TADA1: variants seen among roughly 807,000 people sequenced by gnomAD.
The protein encoded by TADA1 is transcriptional adapter 1.
In TADA1, 23 loss-of-function variants were observed where a neutral mutation model predicts 39.3. The observed-to-expected ratio is 0.58, with a 90% CI of 0.42 to 0.83. The LOEUF is 0.83. Among genes scored for constraint, TADA1 ranks in the 40% least tolerant of loss-of-function variants. The pLI, the probability that TADA1 is intolerant of heterozygous loss-of-function variation, is 0.00. For missense variants in TADA1, 352 were observed against 408.1 expected (o/e 0.86, Z 1.18); for synonymous variants, 137 against 151.8 (o/e 0.90, Z 0.72).
At chr1:166,866,586 G>A (rs1658540528) in intron 3 of TADA1, among the ~76,000 whole-genome samples, 1 of 152,054 alleles carries the variant, frequency 6.6e-6, no homozygotes, top group Non-Finnish European at 1.5e-5. Flanking sequence ...AATTTGGGGT[G>A]TTCAATGGAA....
intron 1 of TADA1, 69 bp from the exon 2 acceptor site, chr1:166,869,923 T>G: frequency 4.4e-6 from 6 of 1,374,676 alleles, no homozygotes; most frequent in Non-Finnish European, 6.2e-6. Context: ...TTTGTTTTGT[T>G]TTTTTAAAGA....
intron 1 of TADA1, among the ~76,000 whole-genome samples, chr1:166,870,692 G>GT (rs2101795521): frequency 6.6e-6 from 1 of 152,290 alleles, no homozygotes; most frequent in African/African-American, 2.4e-5. Context: ...AGCTGTGCAT[G>GT]TTGGTGCATG....
chr1:166,860,356 A>T lies in TADA1; in HGVS notation c.541-19T>A, dbSNP rs748032263. On this transcript the variant is annotated intron_variant, in intron 5 of 7. Transcript: ENST00000367874. The stretch of plus-strand genomic sequence containing the variant: ...GGTGATTCTGTAAACATACAAAAAG[A>T]AAAATAGCATGATATCCTCTTTAAA... The T allele has an allele frequency of 1.3e-6, 2 of 1,575,970 alleles. No individual in the cohort carries two copies. The highest frequency in any genetic ancestry group is 1.7e-6 in the Non-Finnish European group (2 of 1,162,326).
chr1:166,869,656 T>TA (rs1658614230), intron 2 of TADA1, 107 bp downstream of exon 2: 1 of 1,415,164 alleles, frequency 7.1e-7, no homozygotes, highest in South Asian at 1.2e-5. Context: ...AAGATAACCT[T>TA]ATACACCACA....
At chr1:166,858,963 G>C (rs1355124485) in intron 6 of TADA1, among the ~76,000 whole-genome samples, 1 of 152,196 alleles carries the variant, frequency 6.6e-6, no homozygotes, top group Non-Finnish European at 1.5e-5. Context: ...GGCAGAGAGG[G>C]CTTGGGAGTC....
Position 166,858,226 on chromosome 1 carries a change from G to T in TADA1, c.748C>A (p.Pro250Thr), listed in dbSNP as rs559342334. ...AGQNPASHPP[P>T]DDAEQQAALL... Reference sequence around the variant, plus strand: ...GCAGCCTGCTGCTCAGCATCATCAGGGGGTGGGTGAGAAGCTGGATTCTGA... The same window carrying T: ...GCAGCCTGCTGCTCAGCATCATCAGTGGGTGGGTGAGAAGCTGGATTCTGA... The change falls in exon 7 of 8, where the codon CCT (proline) becomes ACT (threonine). Residue 250 changes from proline (P) to threonine (T), a missense_variant. Coordinates refer to ENST00000367874, the MANE Select transcript of TADA1 (RefSeq NM_053053.4). 12 of 1,611,006 alleles carry T rather than the reference G, an allele frequency of 7.4e-6. No homozygotes were observed. The highest frequency in any genetic ancestry group is 2.2e-5 in the South Asian group (2 of 90,488).
intron 2 of TADA1, 52 bp from the exon 3 acceptor site, chr1:166,869,562 G>T: frequency 6.3e-7 from 1 of 1,588,736 alleles, no homozygotes; most frequent in South Asian, 1.1e-5. Context: ...TCAACATAAG[G>T]AAACCACAAC....
intron 6 of TADA1, among the ~76,000 whole-genome samples, chr1:166,859,095 A>G (rs1658348885): frequency 1.3e-5 from 2 of 152,230 alleles, no homozygotes; most frequent in African/African-American, 4.8e-5. Context: ...CAGACAATAA[A>G]TCACCACATA....
chr1:166,868,910 A>C (rs1225661786), intron 3 of TADA1: 1 of 193,554 alleles, frequency 5.2e-6, no homozygotes, highest in Non-Finnish European at 1.1e-5. Flanking sequence ...GGGAGAAAGC[A>C]CTTGTGAAAA....
intron 3 of TADA1, among the ~76,000 whole-genome samples, chr1:166,865,800 CAG>C (rs200257578): frequency 0.019 from 2,921 of 150,978 alleles, 92 homozygotes; most frequent in African/African-American, 0.067. Flanking sequence ...GCATGGGCGA[CAG>C]AGTGAGACTC....
chr1:166,876,244 G>C lies in TADA1; in HGVS notation c.-11C>G. 6.2e-7 allele frequency: 1 copy of C among 1,612,374 alleles called. No individual in the cohort carries two copies. Among genetic ancestry groups the C allele is most frequent in the Non-Finnish European group, 8.5e-7 (1 of 1,179,384 alleles). On this transcript the variant is annotated 5_prime_UTR_variant, in exon 1 of 8. Transcript: ENST00000367874. ...CACAAAGGTCGCCATTGCTCCGCGT[G>C]TCTCAGCCCGACCGCAGACCGCCCG...
intron 6 of TADA1, among the ~76,000 whole-genome samples, chr1:166,859,968 T>C (rs1658369200): frequency 6.6e-6 from 1 of 152,206 alleles, no homozygotes; most frequent in Non-Finnish European, 1.5e-5. Context: ...TAAACCCGCA[T>C]GCAGAAGCCA....
Position 166,858,101 on chromosome 1 carries a change from T to C in TADA1, c.855+18A>G, listed in dbSNP as rs1243887940. On this transcript the variant is annotated intron_variant, in intron 7 of 7. Transcript: ENST00000367874. ...CCTATCCATAAACCTAGGTAAACTT[T>C]AAGGAGCCAAGACTTACCTGCAAAG... The C allele has an allele frequency of 1.2e-6, 2 of 1,613,850 alleles. No homozygotes were observed. Among genetic ancestry groups the C allele is most frequent in the Non-Finnish European group, 1.7e-6 (2 of 1,179,876 alleles).
Position 166,876,263 on chromosome 1 carries a change from C to G in TADA1, c.-30G>C, listed in dbSNP as rs1263157822. On this transcript the variant is annotated 5_prime_UTR_variant, in exon 1 of 8. Transcript: ENST00000367874. ...CCGCGTGTCTCAGCCCGACCGCAGA[C>G]CGCCCGGCCACCGCGATCAACAACC... The G allele has an allele frequency of 1.9e-6, 3 of 1,607,416 alleles. No individual in the cohort carries two copies. Among genetic ancestry groups the G allele is most frequent in the Non-Finnish European group, 2.5e-6 (3 of 1,177,296 alleles).
In TADA1 at chr1:166,869,167, C is replaced by T. The variant is rs1023067764; in HGVS notation, c.232+278G>A. 2.4e-5 allele frequency: 10 copies of T among 415,726 alleles called. 1 individual carries two copies. The highest frequency in any genetic ancestry group is 2.2e-4 in the South Asian group (8 of 35,810). 25.8% of individuals were successfully genotyped at this position (415,726 alleles called of 1,614,324 possible). On this transcript the variant is annotated intron_variant, in intron 3 of 7. Coordinates refer to ENST00000367874, the MANE Select transcript of TADA1 (RefSeq NM_053053.4). ...ACAGAAATTCAAGCTTTGGATGACA[C>T]TGAAAGGGGTTCAGGAGGTTTGGGT...
In TADA1 at chr1:166,857,735, T is replaced by A; in HGVS notation, c.856-16A>T. ...CCCTGTGCACCTGGGATTAAAAAAT[T>A]AACGCATGTCCAATTATACTTGAGT... is the stretch of plus-strand genomic sequence containing the variant. On this transcript the variant is annotated splice_polypyrimidine_tract_variant and intron_variant, in intron 7 of 7. Coordinates refer to ENST00000367874, the MANE Select transcript of TADA1 (RefSeq NM_053053.4). 1.2e-6 allele frequency: 2 copies of A among 1,607,862 alleles called. No individual in the cohort carries two copies. The highest frequency in any genetic ancestry group is 2.2e-5 in the East Asian group (1 of 44,790).
At position 166,856,797 on chromosome 1, in the gene TADA1, C is replaced by T. The variant is rs974861772; in HGVS notation, c.*770G>A. The T allele has an allele frequency of 6.6e-6, 1 of 152,592 alleles. No individual in the cohort carries two copies. The highest frequency in any genetic ancestry group is 2.4e-5 in the African/African-American group (1 of 41,426). The allele number at this position is 152,592 out of a possible 1,614,324, so 9.5% of individuals were successfully genotyped here. A position where few individuals can be genotyped will look rare whatever the true frequency, so the allele number is the denominator to read the frequency against. On this transcript the variant is annotated 3_prime_UTR_variant, in exon 8 of 8. Coordinates refer to ENST00000367874, the MANE Select transcript of TADA1 (RefSeq NM_053053.4). ...AACTGGAGAATTACCAAGCATATAT[C>T]CAATTTGTATAGATTTCTTAAAATA...
chr1:166,857,696 T>C lies in TADA1; in HGVS notation c.879A>G (p.Thr293=), dbSNP rs1399300755. 6.2e-7 allele frequency: 1 copy of C among 1,613,728 alleles called. No homozygotes were observed. Among genetic ancestry groups the C allele is most frequent in the South Asian group, 1.1e-5 (1 of 90,886 alleles). The change falls in exon 8 of 8, where the codon ACA becomes ACG. Residue 293 remains threonine (T), a synonymous_variant. Transcript: ENST00000367874. The stretch of plus-strand genomic sequence containing the variant: ...CAATGTTAAGAGCATAGACAGTATG[T>C]GTAGGGATGACTTCCCTGTGCACCT... ...ALQVHREVIP[T]HTVYALNIER...
intron 2 of TADA1, 109 bp from the exon 3 acceptor site, chr1:166,869,619 C>G: frequency 7.5e-7 from 1 of 1,340,132 alleles, no homozygotes; most frequent in Non-Finnish European, 1.0e-6. Context: ...TTCTGCCATG[C>G]TTTATACTTA....
Sources: gnomAD v4.1 joint callset for allele counts (sites outside exome capture counted in the v4.1 genomes callset) on GRCh38, gnomAD v4.1.1 for gene constraint, MANE v1.5 for transcripts, NCBI Gene and HGNC (gene_info 2026-07-23, HGNC 2026-07-21) for gene names.